ARSJ: variants seen among roughly 807,000 people sequenced by gnomAD.
ARSJ encodes arylsulfatase J.
ARSJ carries 26 observed loss-of-function variants against 35.9 expected under a neutral mutation model. The ratio of observed to expected loss-of-function variants is 0.72; its 90% CI spans 0.53 to 1.00. ARSJ has a LOEUF of 1.00. Ranked by LOEUF, ARSJ falls within the 50% of genes least tolerant of loss-of-function variation. The pLI is 0.00. For missense variants in ARSJ, 667 were observed against 723.6 expected, an observed-to-expected ratio of 0.92 and a Z score of 0.90; for synonymous variants, 294 against 267.6, an observed-to-expected ratio of 1.10 and a Z score of -0.96.
In ARSJ at chr4:113,903,642, G is replaced by A; in HGVS notation, c.432C>T (p.Ile144=). Residue 144 remains isoleucine (I), a synonymous_variant, in exon 2 of 2, where the codon ATC becomes ATT. Coordinates refer to ENST00000315366, the MANE Select transcript of ARSJ (RefSeq NM_024590.4). The part of the protein sequence containing the change: ...YQIHTGLQHS[I]IRPTQPNCLP... ...AACAGTTGGGTTGGGTAGGTCTTAT[G>A]ATAGAATGTTGAAGTCCGGTGTGTA... The A allele has an allele frequency of 1.9e-6, 3 of 1,613,732 alleles. No individual in the cohort carries two copies. The highest frequency in any genetic ancestry group is 2.5e-6 in the Non-Finnish European group (3 of 1,179,700).
intron 1 of ARSJ, among the ~76,000 whole-genome samples, chr4:113,905,212 A>C (rs2099668343): frequency 6.6e-6 from 1 of 152,252 alleles, no homozygotes; most frequent in Admixed American, 6.5e-5. Context: ...AAAATAGAAA[A>C]TATAAAAATG....
At chr4:113,952,138 T>C (rs1016421339) in intron 1 of ARSJ, among the ~76,000 whole-genome samples, 7 of 152,062 alleles carry the variant, frequency 4.6e-5, no homozygotes, top group Non-Finnish European at 8.8e-5. Context: ...GGTGCATTCA[T>C]AGTGTACCGC....
intron 1 of ARSJ, among the ~76,000 whole-genome samples, chr4:113,945,552 T>A (rs1594467534): frequency 6.6e-6 from 1 of 152,186 alleles, no homozygotes; most frequent in African/African-American, 2.4e-5. Flanking sequence ...TGGATAATAT[T>A]TGAGTACAAA....
intron 1 of ARSJ, among the ~76,000 whole-genome samples, chr4:113,962,903 C>T (rs1199427236): frequency 6.6e-6 from 1 of 152,032 alleles, no homozygotes; most frequent in Non-Finnish European, 1.5e-5. Flanking sequence ...CTCTTAATCT[C>T]TCCTGGTCTG....
intron 1 of ARSJ, 86 bp downstream of exon 1, chr4:113,978,351 T>C (rs574919060): frequency 4.7e-6 from 6 of 1,288,690 alleles, no homozygotes; most frequent in African/African-American, 1.5e-5. Context: ...CCATACTTTC[T>C]GTTACTCCCT....
At position 113,902,087 on chromosome 4, in the gene ARSJ, C is replaced by G; in HGVS notation, c.*187G>C. On this transcript the variant is annotated 3_prime_UTR_variant, in exon 2 of 2. Coordinates refer to ENST00000315366, the MANE Select transcript of ARSJ (RefSeq NM_024590.4). ...TAAGTGTGGCTTGCAAGAGTAGCACCTTGGCACTGAGCAGGACAGTTTTCA... is the reference window on the plus strand; with the variant it reads ...TAAGTGTGGCTTGCAAGAGTAGCACGTTGGCACTGAGCAGGACAGTTTTCA... 6.4e-7 allele frequency: 1 copy of G among 1,563,798 alleles called. No individual in the cohort carries two copies. The highest frequency in any genetic ancestry group is 2.3e-5 in the East Asian group (1 of 43,548).
At chr4:113,921,910 C>A (rs1723704263) in intron 1 of ARSJ, among the ~76,000 whole-genome samples, 1 of 152,018 alleles carries the variant, frequency 6.6e-6, no homozygotes, top group Non-Finnish European at 1.5e-5. Flanking sequence ...AATAAATGGG[C>A]AAATAGTTTA....
intron 1 of ARSJ, among the ~76,000 whole-genome samples, chr4:113,972,729 A>T (rs750313560): frequency 5.3e-5 from 8 of 152,142 alleles, no homozygotes; most frequent in Non-Finnish European, 7.4e-5. Context: ...GTCTGGTCTC[A>T]AAGCAAAATC....
At chr4:113,905,996 A>C (rs896597078) in intron 1 of ARSJ, among the ~76,000 whole-genome samples, 1 of 152,158 alleles carries the variant, frequency 6.6e-6, no homozygotes, top group South Asian at 2.1e-4. Context: ...AAAACATTCA[A>C]TTGTGAAAAA....
intron 1 of ARSJ, among the ~76,000 whole-genome samples, chr4:113,941,644 G>T (rs941061335): frequency 7.7e-6 from 1 of 129,946 alleles, no homozygotes; most frequent in Non-Finnish European, 1.6e-5. Flanking sequence ...AATGTGTAAG[G>T]CACCAAATGA....
At chr4:113,916,711 C>T (rs1488925992) in intron 1 of ARSJ, among the ~76,000 whole-genome samples, 3 of 152,108 alleles carry the variant, frequency 2.0e-5, no homozygotes, top group Non-Finnish European at 4.4e-5. Context: ...ATTGGAATTT[C>T]CAATTGCCAA....
Position 113,903,021 on chromosome 4 carries a change from T to A in ARSJ, c.1053A>T (p.Gly351=). ...LRGSKGTYWE[G]GIRAVGFVHS... ...GCACAAAGCCTACAGCCCGGATCCCTCCTTCCCAATATGTTCCTTTGCTAC... is the reference window on the plus strand; with the variant it reads ...GCACAAAGCCTACAGCCCGGATCCCACCTTCCCAATATGTTCCTTTGCTAC... Residue 351 remains glycine (G), a synonymous_variant, in exon 2 of 2, where the codon GGA becomes GGT. Transcript: ENST00000315366. 6.2e-7 allele frequency: 1 copy of A among 1,614,178 alleles called. No individual in the cohort carries two copies. Among genetic ancestry groups the A allele is most frequent in the Non-Finnish European group, 8.5e-7 (1 of 1,180,026 alleles).
At chr4:113,916,470 CA>C (rs201281410) in intron 1 of ARSJ, among the ~76,000 whole-genome samples, 1,969 of 152,128 alleles carry the variant, frequency 0.013, 41 homozygotes, top group African/African-American at 0.045. Context: ...AAACAAATTG[CA>C]AATTGTAAAA....
Position 113,902,594 on chromosome 4 carries a change from A to G in ARSJ, c.1480T>C (p.Trp494Arg). 6.2e-7 allele frequency: 1 copy of G among 1,614,142 alleles called. No homozygotes were observed. Among genetic ancestry groups the G allele is most frequent in the Non-Finnish European group, 8.5e-7 (1 of 1,180,028 alleles). The change falls in exon 2 of 2, where the codon TGG (tryptophan) becomes CGG (arginine). Residue 494 changes from tryptophan to arginine, a missense_variant. Physicochemically the swap from Trp to Arg is moderately radical, Grantham distance 101. Transcript: ENST00000315366. ...GGGTCGGCTGTGATGTTGAAAAGCC[A>G]TACACTTTTGCCAGTTGACAAGGTG... Reference protein sequence around the residue: ...RITLSTGKSVWLFNITADPYE... With the variant: ...RITLSTGKSVRLFNITADPYE...
chr4:113,912,735 ATGTGTGTGTG>A (rs34936997), intron 1 of ARSJ, among the ~76,000 whole-genome samples: 24 of 147,596 alleles, frequency 1.6e-4, no homozygotes, highest in Non-Finnish European at 2.9e-4. Context: ...ATAAATGAGA[ATGTGTGTGTG>A]TGTGTGTGTG....
intron 1 of ARSJ, among the ~76,000 whole-genome samples, chr4:113,963,311 T>A (rs902208041): frequency 8.6e-5 from 13 of 152,000 alleles, no homozygotes; most frequent in African/African-American, 3.1e-4. Flanking sequence ...GGGTAGTTTA[T>A]AAAGGAAAGA....
At chr4:113,930,605 AT>A (rs909130050) in intron 1 of ARSJ, among the ~76,000 whole-genome samples, 3 of 152,020 alleles carry the variant, frequency 2.0e-5, no homozygotes, top group African/African-American at 7.2e-5. Flanking sequence ...GAAAGTGAAC[AT>A]TTTTTTTATA....
chr4:113,964,721 G>GTGTTATTCAGTATGGTTC (rs1726780847), intron 1 of ARSJ, among the ~76,000 whole-genome samples: 1 of 152,076 alleles, frequency 6.6e-6, no homozygotes, highest in African/African-American at 2.4e-5. Context: ...CTCTACCGCA[G>GTGTTATTCAGTATGGTTC]TGTTATTCAG....
At chr4:113,968,400 A>T (rs543630341) in intron 1 of ARSJ, among the ~76,000 whole-genome samples, 2 of 152,318 alleles carry the variant, frequency 1.3e-5, no homozygotes, top group East Asian at 3.9e-4. Flanking sequence ...ACTGAAACAG[A>T]AGTATGCAGA....
Sources: allele counts gnomAD v4.1 joint callset (sites outside exome capture counted in the v4.1 genomes callset), GRCh38; gene constraint gnomAD v4.1.1; transcripts MANE v1.5; gene names NCBI Gene and HGNC (gene_info 2026-07-23, HGNC 2026-07-21).